The following ENTREP2 variants were observed in gnomAD, a reference collection of about 807,000 sequenced individuals.
The protein encoded by ENTREP2 is protein ENTREP2.
the ENTREP2 span, among the ~76,000 whole-genome samples, chr15:29,129,602 C>T: frequency 1.3e-5 from 2 of 152,228 alleles, no homozygotes; most frequent in Non-Finnish European, 2.9e-5. Context: ...CAGGCCTCAG[C>T]CTTCTGAGTA....
chr15:29,375,521 G>T, the ENTREP2 span: 3 of 152,374 alleles, frequency 2.0e-5, no homozygotes, highest in Non-Finnish European at 2.9e-5. Context: ...CTCTTCCCAG[G>T]TTCCTGTGCT....
the ENTREP2 span, among the ~76,000 whole-genome samples, chr15:29,284,827 G>T: frequency 6.6e-6 from 1 of 152,206 alleles, no homozygotes; most frequent in African/African-American, 2.4e-5. Context: ...AAGACAGAGT[G>T]CAGTGATCAA....
the ENTREP2 span, among the ~76,000 whole-genome samples, chr15:29,576,784 T>C: frequency 1.7e-4 from 26 of 152,272 alleles, no homozygotes; most frequent in African/African-American, 6.0e-4. Context: ...TTCACACCCA[T>C]CAGGATAGCT....
the ENTREP2 span, among the ~76,000 whole-genome samples, chr15:29,207,455 C>CG: frequency 0.014 from 1,670 of 123,050 alleles, 18 homozygotes; most frequent in East Asian, 0.018. Flanking sequence ...GGTTGGGGGG[C>CG]GGGGGGGGTG....
chr15:29,134,867 A>T, the ENTREP2 span, among the ~76,000 whole-genome samples: 2 of 152,144 alleles, frequency 1.3e-5, no homozygotes. Context: ...GGGTGACATC[A>T]AAAGGTCTGA....
chr15:29,267,329 T>G, the ENTREP2 span: 1 of 152,232 alleles, frequency 6.6e-6, no homozygotes, highest in African/African-American at 2.4e-5. Flanking sequence ...AATCTCTGCA[T>G]TAAAAACAGC....
chr15:29,405,784 C>A, the ENTREP2 span, among the ~76,000 whole-genome samples: 3 of 152,222 alleles, frequency 2.0e-5, no homozygotes, highest in African/African-American at 7.2e-5. Flanking sequence ...GCTGTCGGCA[C>A]GCACAAGGTT....
chr15:29,381,740 C>T, the ENTREP2 span: 1 of 1,545,378 alleles, frequency 6.5e-7, no homozygotes, highest in African/African-American at 1.4e-5. Flanking sequence ...TGGAACCCTG[C>T]TCCAAGGCCA....
chr15:29,176,100 T>C, the ENTREP2 span, among the ~76,000 whole-genome samples: 1 of 152,250 alleles, frequency 6.6e-6, no homozygotes, highest in Non-Finnish European at 1.5e-5. Context: ...TTCAACGATC[T>C]TATTAGCCTT....
chr15:29,417,408 C>T, the ENTREP2 span, among the ~76,000 whole-genome samples: 2 of 152,136 alleles, frequency 1.3e-5, no homozygotes, highest in Non-Finnish European at 2.9e-5. Flanking sequence ...AAAAACCAAA[C>T]ACCGCATGTT....
At chr15:29,203,988 C>T in the ENTREP2 span, among the ~76,000 whole-genome samples, 2 of 152,166 alleles carry the variant, frequency 1.3e-5, no homozygotes, top group East Asian at 1.9e-4. Context: ...AATAAAATAA[C>T]CCTTCAATGA....
chr15:29,445,656 T>C, the ENTREP2 span, among the ~76,000 whole-genome samples: 1 of 152,210 alleles, frequency 6.6e-6, no homozygotes, highest in African/African-American at 2.4e-5. Context: ...GCTGTTCATC[T>C]GTATCCTTTG....
At chr15:29,235,078 C>T in the ENTREP2 span, 1 of 1,082,832 alleles carries the variant, frequency 9.2e-7, no homozygotes, top group Non-Finnish European at 1.4e-6. Flanking sequence ...GGTCCTCCAG[C>T]CCGAGGGACC....
chr15:29,626,058 G>A, the ENTREP2 span, among the ~76,000 whole-genome samples: 1 of 152,168 alleles, frequency 6.6e-6, no homozygotes, highest in Non-Finnish European at 1.5e-5. Context: ...ATGTTGGCCA[G>A]GCTGGTCTTG....
At chr15:29,421,452 T>C in the ENTREP2 span, among the ~76,000 whole-genome samples, 19 of 152,196 alleles carry the variant, frequency 1.2e-4, no homozygotes, top group African/African-American at 4.3e-4. Context: ...TTGTATCTTA[T>C]TTAGAAATGT....
chr15:29,543,470 C>A, the ENTREP2 span, among the ~76,000 whole-genome samples: 3 of 152,138 alleles, frequency 2.0e-5, no homozygotes, highest in Non-Finnish European at 2.9e-5. Context: ...CAATTACATA[C>A]CTCAGGCTTA....
At chr15:29,468,416 G>A in the ENTREP2 span, among the ~76,000 whole-genome samples, 2 of 152,146 alleles carry the variant, frequency 1.3e-5, no homozygotes, top group South Asian at 4.1e-4. Context: ...ATCGAGACCA[G>A]CCTGGCGAAC....
chr15:29,617,933 A>G, the ENTREP2 span, among the ~76,000 whole-genome samples: 5 of 152,026 alleles, frequency 3.3e-5, no homozygotes, highest in Non-Finnish European at 7.4e-5. Context: ...CCTTTTCCTC[A>G]TCCTCTTGGT....
At chr15:29,375,638 C>T in the ENTREP2 span, 10 of 152,194 alleles carry the variant, frequency 6.6e-5, no homozygotes, top group African/African-American at 1.2e-4. Flanking sequence ...GCGAGAGGAA[C>T]CTCAGCATCC....
Sources: allele counts gnomAD v4.1 joint callset (sites outside exome capture counted in the v4.1 genomes callset), GRCh38; gene constraint gnomAD v4.1.1; transcripts MANE v1.5; gene names NCBI Gene and HGNC (gene_info 2026-07-23, HGNC 2026-07-21).